The following ROR1 variants were observed in gnomAD, a reference collection of about 807,000 sequenced individuals.
The protein encoded by ROR1 is ROR family WNT receptor 1, also known as inactive tyrosine-protein kinase transmembrane receptor ROR1.
Under a neutral mutation model 78.8 loss-of-function variants are expected in ROR1, and 19 were observed. The ratio of observed to expected loss-of-function variants is 0.24; its 90% CI spans 0.17 to 0.35. ROR1 has a LOEUF of 0.35. Among genes scored for constraint, ROR1 ranks in the 10% least tolerant of loss-of-function variants. ROR1 has a pLI of 1.00. For missense variants in ROR1, 917 were observed against 1,177.8 expected (o/e 0.78, Z 3.24); for synonymous variants, 386 against 433.6 (o/e 0.89, Z 1.36).
At chr1:63,930,688 A>T (rs988299431) in intron 1 of ROR1, among the ~76,000 whole-genome samples, 2 of 152,190 alleles carry the variant, frequency 1.3e-5, no homozygotes, top group Non-Finnish European at 2.9e-5. Flanking sequence ...TCATTTTATG[A>T]ATGAAAAATT....
chr1:64,091,144 C>G (rs1459187778), intron 4 of ROR1, among the ~76,000 whole-genome samples: 1 of 152,128 alleles, frequency 6.6e-6, no homozygotes, highest in African/African-American at 2.4e-5. Context: ...AGTCCATTCT[C>G]ACATGTGCAA....
intron 1 of ROR1, among the ~76,000 whole-genome samples, chr1:63,875,458 G>T (rs1171776479): frequency 6.6e-6 from 1 of 152,084 alleles, no homozygotes; most frequent in East Asian, 1.9e-4. Context: ...TGTGAAAAGG[G>T]CATTAAAGAA....
intron 1 of ROR1, among the ~76,000 whole-genome samples, chr1:63,786,234 C>T (rs1435864657): frequency 6.7e-6 from 1 of 149,642 alleles, no homozygotes; most frequent in Non-Finnish European, 1.5e-5. Context: ...AGCATTTCCC[C>T]CCTTACGCTG....
intron 1 of ROR1, among the ~76,000 whole-genome samples, chr1:64,002,770 A>T (rs1452611535): frequency 1.3e-5 from 2 of 152,230 alleles, no homozygotes; most frequent in Non-Finnish European, 2.9e-5. Flanking sequence ...GTGCTGTGCC[A>T]TCCTTTGGGG....
At chr1:63,935,610 C>T (rs1645788143) in intron 1 of ROR1, among the ~76,000 whole-genome samples, 1 of 152,206 alleles carries the variant, frequency 6.6e-6, no homozygotes, top group South Asian at 2.1e-4. Flanking sequence ...ATAATGTCCA[C>T]ATACTTGATT....
intron 1 of ROR1, among the ~76,000 whole-genome samples, chr1:63,940,524 G>A (rs891400279): frequency 2.7e-5 from 4 of 146,948 alleles, no homozygotes; most frequent in Admixed American, 2.7e-4. Context: ...TAGATAGATA[G>A]ATAGATAGAT....
At chr1:63,917,645 A>G (rs960320085) in intron 1 of ROR1, among the ~76,000 whole-genome samples, 2 of 152,186 alleles carry the variant, frequency 1.3e-5, no homozygotes, top group African/African-American at 2.4e-5. Context: ...TACTTTATCC[A>G]AAAGGAGTAT....
rs1646801860 is a variant in ROR1 at position 64,048,348 on chromosome 1, C to T, written c.164-1343C>T. Among the ~76,000 whole-genome samples the T allele has an allele frequency of 2.0e-5, 3 of 152,168 alleles. No individual in the cohort carries two copies. The South Asian group carries it at 6.2e-4, about 32-fold the overall frequency. On this transcript the variant is annotated intron_variant, in intron 2 of 8. Transcript: ENST00000371079. ...GACAGTGCAGATTATAGAACATTTC[C>T]ATCATTGCAGAAAGTTCTGGTGGAT...
At chr1:64,148,294 A>G (rs929301068) in intron 7 of ROR1, among the ~76,000 whole-genome samples, 1 of 152,112 alleles carries the variant, frequency 6.6e-6, no homozygotes, top group Non-Finnish European at 1.5e-5. Context: ...ATCTGTACTC[A>G]GCCTTTTAAA....
At chr1:63,845,326 A>G (rs531476970) in intron 1 of ROR1, among the ~76,000 whole-genome samples, 1 of 152,304 alleles carries the variant, frequency 6.6e-6, no homozygotes, top group East Asian at 1.9e-4. Flanking sequence ...TTAAGGTATC[A>G]TTTTTTAACT....
intron 1 of ROR1, among the ~76,000 whole-genome samples, chr1:63,890,135 G>A (rs1237706811): frequency 6.7e-6 from 1 of 149,172 alleles, no homozygotes; most frequent in African/African-American, 2.5e-5. Flanking sequence ...AAGATTATAT[G>A]GTCTGTAGCT....
chr1:64,041,234 A>T (rs1050291370), intron 2 of ROR1, among the ~76,000 whole-genome samples: 2 of 152,108 alleles, frequency 1.3e-5, no homozygotes, highest in African/African-American at 4.8e-5. Context: ...GCAATAATAC[A>T]TGTAAAATGC....
At chr1:64,026,823 A>G (rs1646614883) in intron 2 of ROR1, among the ~76,000 whole-genome samples, 1 of 152,134 alleles carries the variant, frequency 6.6e-6, no homozygotes. Context: ...CCATGATCCA[A>G]TCACCTGCCA....
chr1:63,872,302 T>G (rs1226549674), intron 1 of ROR1, among the ~76,000 whole-genome samples: 3 of 152,170 alleles, frequency 2.0e-5, no homozygotes, highest in African/African-American at 4.8e-5. Flanking sequence ...GTGAGAATTG[T>G]CTCTTAAAAA....
chr1:64,006,100 C>T (rs1199328568), intron 1 of ROR1, among the ~76,000 whole-genome samples: 1 of 152,196 alleles, frequency 6.6e-6, no homozygotes, highest in Non-Finnish European at 1.5e-5. Flanking sequence ...CAATTCAACT[C>T]AGCTTGGAAA....
chr1:63,863,910 G>T (rs1376446921), intron 1 of ROR1, among the ~76,000 whole-genome samples: 3 of 152,080 alleles, frequency 2.0e-5, no homozygotes, highest in African/African-American at 7.2e-5. Flanking sequence ...ATCAATGCTA[G>T]CATTAACTAC....
intron 4 of ROR1, among the ~76,000 whole-genome samples, chr1:64,063,969 GC>G (rs1646937393): frequency 6.6e-6 from 1 of 152,040 alleles, no homozygotes; most frequent in African/African-American, 2.4e-5. Flanking sequence ...CTCTCTCTCT[GC>G]CCCAGCACCA....
chr1:63,785,432 A>G (rs1037102641), intron 1 of ROR1, among the ~76,000 whole-genome samples: 7 of 151,982 alleles, frequency 4.6e-5, no homozygotes, highest in Non-Finnish European at 1.0e-4. Flanking sequence ...GTCCCAAGAT[A>G]TTGCCTGTTG....
intron 4 of ROR1, among the ~76,000 whole-genome samples, chr1:64,060,418 T>C (rs943795782): frequency 6.6e-6 from 1 of 152,230 alleles, no homozygotes; most frequent in Non-Finnish European, 1.5e-5. Context: ...TTTTCTCTCA[T>C]TGGCCTTTGG....
Sources: allele counts gnomAD v4.1 joint callset (sites outside exome capture counted in the v4.1 genomes callset), GRCh38; gene constraint gnomAD v4.1.1; transcripts MANE v1.5; gene names NCBI Gene and HGNC (gene_info 2026-07-23, HGNC 2026-07-21).